Variants in RIMKLB observed in about 807,000 individuals in gnomAD.
RIMKLB encodes the protein ribosomal modification protein rimK like family member B.
Under a neutral mutation model 32.0 loss-of-function variants are expected in RIMKLB, and 7 were observed. That is an observed-to-expected ratio of 0.22 (90% CI 0.12 to 0.41). RIMKLB has a LOEUF of 0.41. Ranked by LOEUF, RIMKLB falls within the 10% of genes least tolerant of loss-of-function variation. RIMKLB has a pLI of 1.00. For missense variants in RIMKLB, 289 were observed against 498.7 expected, an observed-to-expected ratio of 0.58 and a Z score of 4.00; for synonymous variants, 172 against 185.1, an observed-to-expected ratio of 0.93 and a Z score of 0.57.
At chr12:8,707,879 G>T (rs1944035699) in intron 1 of RIMKLB, among the ~76,000 whole-genome samples, 1 of 152,188 alleles carries the variant, frequency 6.6e-6, no homozygotes, top group Non-Finnish European at 1.5e-5. Context: ...CAACTCCCGT[G>T]ATTCCTATCC....
chr12:8,691,834 ATTCAT>A (rs1942742638), intron 1 of RIMKLB, among the ~76,000 whole-genome samples: 1 of 152,150 alleles, frequency 6.6e-6, no homozygotes, highest in Non-Finnish European at 1.5e-5. Context: ...GACTTCATTC[ATTCAT>A]TTAATCTGTA....
chr12:8,720,106 C>G (rs1945286932), intron 2 of RIMKLB, among the ~76,000 whole-genome samples: 1 of 152,192 alleles, frequency 6.6e-6, no homozygotes, highest in Non-Finnish European at 1.5e-5. Flanking sequence ...GATGATGGAA[C>G]TTTCAGTGCC....
In RIMKLB at chr12:8,776,471, A is replaced by T. The variant is rs977991059; in HGVS notation, c.*2687A>T. On this transcript the variant is annotated 3_prime_UTR_variant, in exon 6 of 6. Transcript: ENST00000535829. Reference sequence around the variant, plus strand: ...CTTTTGTATAATCTTCATTGCTATTATGAGAGAGAATGTATATATCAAATA... The same window carrying T: ...CTTTTGTATAATCTTCATTGCTATTTTGAGAGAGAATGTATATATCAAATA... The T allele has an allele frequency of 4.5e-5, 34 of 753,530 alleles. No homozygotes were observed. The highest frequency in any genetic ancestry group is 6.3e-5 in the Admixed American group (1 of 15,934). The allele number at this position is 753,530 out of a possible 1,614,324, so 46.7% of individuals were successfully genotyped here.
chr12:8,699,007 T>C (rs980574230), intron 1 of RIMKLB, among the ~76,000 whole-genome samples: 1 of 152,112 alleles, frequency 6.6e-6, no homozygotes, highest in Non-Finnish European at 1.5e-5. Flanking sequence ...TCTCCCCTTA[T>C]TAATATGTCC....
chr12:8,712,343 C>T (rs1046605074), intron 1 of RIMKLB, among the ~76,000 whole-genome samples: 3 of 151,944 alleles, frequency 2.0e-5, no homozygotes, highest in Non-Finnish European at 4.4e-5. Flanking sequence ...ACCCGGGAAG[C>T]GGAGGTTCCA....
At chr12:8,768,546 G>C (rs1950158200) in intron 5 of RIMKLB, among the ~76,000 whole-genome samples, 1 of 152,182 alleles carries the variant, frequency 6.6e-6, no homozygotes, top group Non-Finnish European at 1.5e-5. Context: ...TTGATATTAA[G>C]GTTATGCTGG....
intron 2 of RIMKLB, among the ~76,000 whole-genome samples, chr12:8,720,588 G>C (rs1198938674): frequency 6.6e-6 from 1 of 152,158 alleles, no homozygotes; most frequent in Non-Finnish European, 1.5e-5. Context: ...TGTCGCCCAG[G>C]CCGGAGTGCA....
downstream of RIMKLB, among the ~76,000 whole-genome samples, chr12:8,782,185 T>G (rs1478345746): frequency 6.6e-6 from 1 of 152,106 alleles, no homozygotes; most frequent in Admixed American, 6.6e-5. Context: ...TTTCTGTAAT[T>G]TATTGTTAAG....
At chr12:8,723,594 C>G (rs748994391) in intron 2 of RIMKLB, among the ~76,000 whole-genome samples, 89 of 152,186 alleles carry the variant, frequency 5.8e-4, no homozygotes, top group South Asian at 4.4e-3. Context: ...AGTTAAAGCA[C>G]AATAAAATGA....
At chr12:8,728,642 C>T (rs1946251199) in intron 2 of RIMKLB, among the ~76,000 whole-genome samples, 1 of 152,018 alleles carries the variant, frequency 6.6e-6, no homozygotes, top group Non-Finnish European at 1.5e-5. Flanking sequence ...ACAAGAGTTT[C>T]ACTCTGTTTC....
Position 8,705,679 on chromosome 12 carries a change from A to AT in RIMKLB, c.-57+7384dup, listed in dbSNP as rs1943811276. ...AGATATGTTTATATATGTATTTTTA[A>AT]TTGTATACGTATTTTAAGCATTTAG... On this transcript the variant is annotated intron_variant, in intron 1 of 5. Transcript: ENST00000535829. Among the ~76,000 whole-genome samples the AT allele has an allele frequency of 3.3e-5, 5 of 152,126 alleles. No homozygotes were observed. In the South Asian group the frequency reaches 1.0e-3, roughly 32 times the overall value.
At chr12:8,709,757 G>T (rs373158452) in intron 1 of RIMKLB, among the ~76,000 whole-genome samples, 28 of 152,128 alleles carry the variant, frequency 1.8e-4, no homozygotes, top group African/African-American at 6.8e-4. Context: ...GAGAGACACC[G>T]CATTCATATA....
chr12:8,698,296 A>T lies in RIMKLB; in HGVS notation c.-58A>T. The T allele has an allele frequency of 2.9e-6, 1 of 340,412 alleles. No homozygotes were observed. Among genetic ancestry groups the T allele is most frequent in the Non-Finnish European group, 6.0e-6 (1 of 165,898 alleles). 21.1% of individuals were successfully genotyped at this position (340,412 alleles called of 1,614,324 possible). A position where few individuals can be genotyped will look rare whatever the true frequency, so the allele number is the denominator to read the frequency against. On this transcript the variant is annotated splice_region_variant and 5_prime_UTR_variant, in exon 1 of 6. Coordinates refer to ENST00000535829, the MANE Select transcript of RIMKLB (RefSeq NM_001297776.2). ...GAGCGAGGGAGGAGCCCCCCGACCCAGGTGAGCGGTACGACCGCTGTTGCC... is the reference window on the plus strand; with the variant it reads ...GAGCGAGGGAGGAGCCCCCCGACCCTGGTGAGCGGTACGACCGCTGTTGCC...
chr12:8,702,702 T>G (rs184798843), intron 1 of RIMKLB, among the ~76,000 whole-genome samples: 1 of 152,230 alleles, frequency 6.6e-6, no homozygotes, highest in African/African-American at 2.4e-5. Context: ...ATAGCAACCT[T>G]GGAATTCTTC....
chr12:8,760,119 C>G (rs915775514), intron 5 of RIMKLB, among the ~76,000 whole-genome samples: 283 of 152,144 alleles, frequency 1.9e-3, no homozygotes, highest in African/African-American at 6.5e-3. Context: ...AACAGGCCCC[C>G]GTGTGTGATG....
At chr12:8,728,653 C>T (rs780117659) in intron 2 of RIMKLB, among the ~76,000 whole-genome samples, 1 of 152,012 alleles carries the variant, frequency 6.6e-6, no homozygotes, top group African/African-American at 2.4e-5. Context: ...ACTCTGTTTC[C>T]CAGGTTAGAG....
At chr12:8,733,747 A>T (rs1053003811) in intron 2 of RIMKLB, among the ~76,000 whole-genome samples, 1 of 152,102 alleles carries the variant, frequency 6.6e-6, no homozygotes, top group Non-Finnish European at 1.5e-5. Flanking sequence ...GCCGGACGTG[A>T]TGGTGCACAC....
Position 8,727,115 on chromosome 12 carries a change from C to A in RIMKLB, c.175+13074C>A, listed in dbSNP as rs78131251. On this transcript the variant is annotated intron_variant, in intron 2 of 5. Coordinates refer to ENST00000535829, the MANE Select transcript of RIMKLB (RefSeq NM_001297776.2). The stretch of plus-strand genomic sequence containing the variant: ...CTGAGATCATTGCTGTTATTCATTT[C>A]TTTTAAGTGTTATATGTAACTGTAT... Among the ~76,000 whole-genome samples the A allele has an allele frequency of 4.0e-4, 61 of 152,258 alleles. No individual in the cohort carries two copies. In the East Asian group the frequency reaches 0.011, roughly 28 times the overall value.
In RIMKLB at chr12:8,774,063, A is replaced by C. The variant is rs933954219; in HGVS notation, c.*279A>C. 8.5e-7 allele frequency: 1 copy of C among 1,181,128 alleles called. No homozygotes were observed. The highest frequency in any genetic ancestry group is 3.5e-5 in the South Asian group (1 of 28,466). The allele number at this position is 1,181,128 out of a possible 1,614,324, so 73.2% of individuals were successfully genotyped here. A position where few individuals can be genotyped will look rare whatever the true frequency, so the allele number is the denominator to read the frequency against. Reference sequence around the variant, plus strand: ...AAATTGCTAAAAAATGTGTATGCTCATAGGCCATGAGGAACAAATACTTTT... The same window carrying C: ...AAATTGCTAAAAAATGTGTATGCTCCTAGGCCATGAGGAACAAATACTTTT... On this transcript the variant is annotated 3_prime_UTR_variant, in exon 6 of 6. Transcript: ENST00000535829.
Sources: allele counts gnomAD v4.1 joint callset (sites outside exome capture counted in the v4.1 genomes callset), GRCh38; gene constraint gnomAD v4.1.1; transcripts MANE v1.5; gene names NCBI Gene and HGNC (gene_info 2026-07-23, HGNC 2026-07-21).